STK32A: variants seen among roughly 807,000 people sequenced by gnomAD.
The protein encoded by STK32A is serine/threonine kinase 32A.
Under a neutral mutation model 53.2 loss-of-function variants are expected in STK32A, and 41 were observed. That is an observed-to-expected ratio of 0.77 (90% CI 0.60 to 1.00). The LOEUF is 1.00. Among genes scored for constraint, STK32A ranks in the 50% least tolerant of loss-of-function variants. STK32A has a pLI of 0.00. For synonymous variants in STK32A, 166 were observed against 162.8 expected (o/e 1.02, Z -0.15); for missense variants, 458 against 485.8 (o/e 0.94, Z 0.54).
At chr5:147,275,175 T>C (rs954704947) in intron 2 of STK32A, among the ~76,000 whole-genome samples, 4 of 152,150 alleles carry the variant, frequency 2.6e-5, no homozygotes, top group Non-Finnish European at 5.9e-5. Flanking sequence ...AATCCACAAT[T>C]CTGACTTCAT....
At chr5:147,272,365 C>G (rs1755078582) in intron 2 of STK32A, among the ~76,000 whole-genome samples, 1 of 152,218 alleles carries the variant, frequency 6.6e-6, no homozygotes, top group Non-Finnish European at 1.5e-5. Context: ...GCGTTAGCCA[C>G]TGCACTCAGC....
chr5:147,282,021 G>A (rs188307300), intron 4 of STK32A, among the ~76,000 whole-genome samples: 477 of 152,230 alleles, frequency 3.1e-3, no homozygotes, highest in African/African-American at 0.011. Context: ...ATATATGAAG[G>A]AAAGATACAG....
At chr5:147,247,912 A>G (rs1753824407) in intron 2 of STK32A, among the ~76,000 whole-genome samples, 1 of 152,152 alleles carries the variant, frequency 6.6e-6, no homozygotes, top group African/African-American at 2.4e-5. Context: ...ACCTGAGGTC[A>G]CGAGTTCGAG....
At chr5:147,306,986 T>C (rs1266559385) in intron 4 of STK32A, among the ~76,000 whole-genome samples, 3 of 152,200 alleles carry the variant, frequency 2.0e-5, no homozygotes, top group Admixed American at 6.5e-5. Context: ...GTCAGGAGTT[T>C]CTTGTCATAT....
chr5:147,353,989 C>G (rs1445736164), intron 7 of STK32A, among the ~76,000 whole-genome samples: 1 of 139,600 alleles, frequency 7.2e-6, no homozygotes, highest in Non-Finnish European at 1.5e-5. Flanking sequence ...ATTTCATTCT[C>G]TTCCCCCATG....
At chr5:147,370,810 G>T in intron 9 of STK32A, 40 bp downstream of exon 9, 1 of 1,326,716 alleles carries the variant, frequency 7.5e-7, no homozygotes, top group Non-Finnish European at 1.1e-6. Flanking sequence ...AGTAACAAAA[G>T]GAAGCAGGCT....
At chr5:147,271,351 G>C (rs57543595) in intron 2 of STK32A, among the ~76,000 whole-genome samples, 10,177 of 151,920 alleles carry the variant, frequency 0.067, 410 homozygotes, top group African/African-American at 0.085. Flanking sequence ...CTGTCATCTC[G>C]TAAGCTGAGG....
At chr5:147,276,617 C>T (rs1220746391) in intron 2 of STK32A, among the ~76,000 whole-genome samples, 1 of 152,152 alleles carries the variant, frequency 6.6e-6, no homozygotes, top group Non-Finnish European at 1.5e-5. Context: ...CCTTCAACTA[C>T]CTAAGCCAGG....
intron 5 of STK32A, among the ~76,000 whole-genome samples, chr5:147,324,570 G>T (rs1754486497): frequency 6.6e-6 from 1 of 152,084 alleles, no homozygotes; most frequent in Non-Finnish European, 1.5e-5. Context: ...AGCATTAGTA[G>T]TAAATAAAGA....
chr5:147,290,666 C>A (rs1419888768), intron 4 of STK32A, among the ~76,000 whole-genome samples: 4 of 152,146 alleles, frequency 2.6e-5, no homozygotes, highest in Middle Eastern at 3.2e-3. Flanking sequence ...AATTAGGACA[C>A]CAGATCATCT....
intron 2 of STK32A, among the ~76,000 whole-genome samples, chr5:147,244,892 TTAAG>T (rs1270154285): frequency 1.3e-5 from 2 of 152,232 alleles, no homozygotes; most frequent in Non-Finnish European, 2.9e-5. Flanking sequence ...TTAATGCTAA[TTAAG>T]TGTTATTTAC....
At chr5:147,360,927 A>G (rs1313480120) in intron 7 of STK32A, among the ~76,000 whole-genome samples, 1 of 152,194 alleles carries the variant, frequency 6.6e-6, no homozygotes, top group Non-Finnish European at 1.5e-5. Flanking sequence ...CACTGGAATC[A>G]ATTGAAAGAA....
At chr5:147,278,493 C>T (rs1307264312) in intron 3 of STK32A, among the ~76,000 whole-genome samples, 1 of 152,168 alleles carries the variant, frequency 6.6e-6, no homozygotes, top group Non-Finnish European at 1.5e-5. Context: ...TCAGATTCTA[C>T]CAGCTGTATG....
intron 6 of STK32A, among the ~76,000 whole-genome samples, chr5:147,343,430 C>T (rs777553072): frequency 3.9e-5 from 6 of 152,232 alleles, no homozygotes; most frequent in Non-Finnish European, 7.3e-5. Context: ...TCTACCTAGA[C>T]ATTAATGACA....
At chr5:147,359,159 C>G (rs1756386590) in intron 7 of STK32A, among the ~76,000 whole-genome samples, 1 of 152,160 alleles carries the variant, frequency 6.6e-6, no homozygotes, top group Admixed American at 6.6e-5. Flanking sequence ...TCTTAGTACT[C>G]TCTTAGGTGC....
intron 4 of STK32A, among the ~76,000 whole-genome samples, chr5:147,306,293 G>A (rs1480612811): frequency 3.3e-5 from 5 of 151,764 alleles, no homozygotes; most frequent in Admixed American, 2.6e-4. Flanking sequence ...CTTTCTATCG[G>A]TTGCCTCTTT....
intron 7 of STK32A, among the ~76,000 whole-genome samples, chr5:147,355,616 C>T (rs1756189347): frequency 1.3e-5 from 2 of 151,628 alleles, no homozygotes; most frequent in Admixed American, 6.6e-5. Context: ...AGGCGGAGCT[C>T]GCAGTGAGCA....
At chr5:147,251,997 G>GT in intron 2 of STK32A, among the ~76,000 whole-genome samples, 1 of 152,058 alleles carries the variant, frequency 6.6e-6, no homozygotes, top group South Asian at 2.1e-4. Context: ...GAGCCCAGGA[G>GT]TTCACAACCA....
chr5:147,388,618 T>A (rs928446500), downstream of STK32A, among the ~76,000 whole-genome samples: 1 of 152,086 alleles, frequency 6.6e-6, no homozygotes, highest in Non-Finnish European at 1.5e-5. Context: ...TTATCCCCCA[T>A]CTCCTGCTCA....
Sources: allele counts gnomAD v4.1 joint callset (sites outside exome capture counted in the v4.1 genomes callset), GRCh38; gene constraint gnomAD v4.1.1; transcripts MANE v1.5; gene names NCBI Gene and HGNC (gene_info 2026-07-23, HGNC 2026-07-21).